The following SPHKAP variants were observed in gnomAD, a reference collection of about 807,000 sequenced individuals.
The protein encoded by SPHKAP is A-kinase anchor protein SPHKAP.
SPHKAP carries 67 observed loss-of-function variants against 137.5 expected under a neutral mutation model. The ratio of observed to expected loss-of-function variants is 0.49; its 90% CI spans 0.40 to 0.60. The LOEUF is 0.60. Ranked by LOEUF, SPHKAP falls within the 20% of genes least tolerant of loss-of-function variation. SPHKAP has a pLI of 0.00. For missense variants in SPHKAP, 2,097 were observed against 2,069.3 expected, an observed-to-expected ratio of 1.01 and a Z score of -0.26; for synonymous variants, 813 against 785.3, an observed-to-expected ratio of 1.04 and a Z score of -0.59.
chr2:228,057,042 G>A (rs1305103453), intron 3 of SPHKAP, among the ~76,000 whole-genome samples: 1 of 152,174 alleles, frequency 6.6e-6, no homozygotes, highest in Non-Finnish European at 1.5e-5. Context: ...GCACAACAAG[G>A]AAGCGAGGCA....
At chr2:228,131,518 T>C (rs562373623) in intron 2 of SPHKAP, among the ~76,000 whole-genome samples, 1 of 151,914 alleles carries the variant, frequency 6.6e-6, no homozygotes, top group Admixed American at 6.6e-5. Context: ...CTTAAGTCTA[T>C]GTTCTAGAAA....
chr2:227,994,634 A>T (rs191753995), intron 8 of SPHKAP, among the ~76,000 whole-genome samples: 44 of 152,346 alleles, frequency 2.9e-4, no homozygotes, highest in Non-Finnish European at 6.2e-4. Flanking sequence ...AGGCATATTC[A>T]TGTATTGAAA....
At chr2:228,037,036 T>C (rs1695644766) in intron 3 of SPHKAP, among the ~76,000 whole-genome samples, 1 of 149,442 alleles carries the variant, frequency 6.7e-6, no homozygotes, top group African/African-American at 2.5e-5. Context: ...AGTATAATAA[T>C]AAATAAATAA....
rs1295469751 is a variant in SPHKAP at position 227,991,044 on chromosome 2, G to T, written c.4915C>A (p.Pro1639Thr). Reference sequence around the variant, plus strand: ...TGAGATTTCTTAAAGTAGATGGTGGGAATCCCCAGTTCAGAGGCAGCTATC... The same window carrying T: ...TGAGATTTCTTAAAGTAGATGGTGGTAATCCCCAGTTCAGAGGCAGCTATC... ...QWIAASELGI[P>T]TIYFKKSQEN... Residue 1639 changes from proline to threonine, a missense_variant, in exon 11 of 12, where the codon CCC (proline) becomes ACC (threonine). By Grantham distance (38) the Pro-to-Thr change is conservative. Transcript: ENST00000392056. The T allele has an allele frequency of 4.3e-6, 7 of 1,614,124 alleles. No individual in the cohort carries two copies. In the South Asian group the frequency reaches 7.7e-5, roughly 18 times the overall value.
chr2:228,146,487 C>T (rs142838543), intron 1 of SPHKAP, among the ~76,000 whole-genome samples: 92 of 152,160 alleles, frequency 6.0e-4, no homozygotes, highest in African/African-American at 1.6e-3. Context: ...ACTCGTGTCA[C>T]GGTAGTTTGT....
intron 7 of SPHKAP, among the ~76,000 whole-genome samples, chr2:228,002,649 A>G (rs962474906): frequency 3.3e-5 from 5 of 152,212 alleles, no homozygotes; most frequent in African/African-American, 7.2e-5. Flanking sequence ...GCCCATGCCT[A>G]TGTCCTGAAT....
At chr2:228,100,097 G>A (rs957049825) in intron 3 of SPHKAP, among the ~76,000 whole-genome samples, 13 of 151,992 alleles carry the variant, frequency 8.6e-5, no homozygotes, top group African/African-American at 1.9e-4. Flanking sequence ...TGATCCACCC[G>A]CCTCGGCCTC....
In SPHKAP at chr2:228,002,341, C is replaced by T. The variant is rs1363521231; in HGVS notation, c.4449-6647G>A. Among the ~76,000 whole-genome samples the T allele has an allele frequency of 4.6e-5, 7 of 152,084 alleles. No homozygotes were observed. The East Asian group carries it at 7.7e-4, about 17-fold the overall frequency. ...GCCAGTGATGATAAGCATTTTTTCACGTGTCTGTTGGCTGCATAAATGTCT... is the reference window on the plus strand; with the variant it reads ...GCCAGTGATGATAAGCATTTTTTCATGTGTCTGTTGGCTGCATAAATGTCT... On this transcript the variant is annotated intron_variant, in intron 7 of 11. Transcript: ENST00000392056.
chr2:228,159,193 G>A (rs953309461), intron 1 of SPHKAP, among the ~76,000 whole-genome samples: 1 of 152,094 alleles, frequency 6.6e-6, no homozygotes, highest in African/African-American at 2.4e-5. Flanking sequence ...GGCAAAAATT[G>A]TACCAAAGTT....
At chr2:228,062,165 T>TA (rs1248457515) in intron 3 of SPHKAP, among the ~76,000 whole-genome samples, 1 of 151,556 alleles carries the variant, frequency 6.6e-6, no homozygotes, top group African/African-American at 2.4e-5. Flanking sequence ...CCTTTTTTTT[T>TA]AATTTTTCTT....
At chr2:228,102,536 A>T (rs1489448512) in intron 3 of SPHKAP, among the ~76,000 whole-genome samples, 1 of 152,168 alleles carries the variant, frequency 6.6e-6, no homozygotes, top group African/African-American at 2.4e-5. Flanking sequence ...TCTAATTCGG[A>T]GTCCATTTTA....
chr2:228,013,529 G>A (rs997438531), intron 7 of SPHKAP, among the ~76,000 whole-genome samples: 2 of 152,208 alleles, frequency 1.3e-5, no homozygotes, highest in Non-Finnish European at 2.9e-5. Context: ...ATAGGCGTGA[G>A]CCACCATGCC....
chr2:228,009,405 C>T (rs186596336), intron 7 of SPHKAP, among the ~76,000 whole-genome samples: 2 of 152,128 alleles, frequency 1.3e-5, no homozygotes, highest in African/African-American at 4.8e-5. Context: ...TTATAACTTT[C>T]ATCAAGTCTT....
At chr2:228,173,383 A>T (rs1224965825) in intron 1 of SPHKAP, among the ~76,000 whole-genome samples, 1 of 152,190 alleles carries the variant, frequency 6.6e-6, no homozygotes, top group Non-Finnish European at 1.5e-5. Context: ...GACAAAGCAA[A>T]ATCAAGGTTC....
intron 2 of SPHKAP, among the ~76,000 whole-genome samples, chr2:228,110,698 A>G (rs895156752): frequency 1.3e-5 from 2 of 152,218 alleles, no homozygotes; most frequent in African/African-American, 4.8e-5. Context: ...ATGATGTGTG[A>G]CAGCACAACA....
intron 7 of SPHKAP, 84 bp downstream of exon 7, chr2:228,016,322 T>TAA: frequency 6.7e-7 from 1 of 1,486,424 alleles, no homozygotes; most frequent in Non-Finnish European, 8.9e-7. Flanking sequence ...TCAAATCCTT[T>TAA]ATGTCTAAAA....
chr2:228,061,813 A>G (rs1460396050), intron 3 of SPHKAP, among the ~76,000 whole-genome samples: 1 of 152,030 alleles, frequency 6.6e-6, no homozygotes, highest in Non-Finnish European at 1.5e-5. Flanking sequence ...TGGCCACTAA[A>G]AAAAACAAAA....
chr2:228,088,988 G>A (rs760868889), intron 3 of SPHKAP, among the ~76,000 whole-genome samples: 1 of 152,176 alleles, frequency 6.6e-6, no homozygotes, highest in South Asian at 2.1e-4. Flanking sequence ...GTGGGGCATT[G>A]CTATAAAGAT....
In SPHKAP at chr2:228,080,771, A is replaced by G. The variant is rs1186782590; in HGVS notation, c.246+28061T>C. 1.3e-3 allele frequency among the ~76,000 whole-genome samples: 90 copies of G among 71,704 alleles called. 1 individual carries two copies. The highest frequency in any genetic ancestry group is 4.8e-3 in the African/African-American group (85 of 17,678). The allele number at this position is 71,704 out of a possible 152,430, so 47.0% of individuals were successfully genotyped here. A position where few individuals can be genotyped will look rare whatever the true frequency, so the allele number is the denominator to read the frequency against. On this transcript the variant is annotated intron_variant, in intron 3 of 11. Coordinates refer to ENST00000392056, the MANE Select transcript of SPHKAP (RefSeq NM_001142644.2). ...ATAAAATAAAATAAAATAAAATAAA[A>G]TAAAATAAAATAAAACCAAACCACA...
Sources: gnomAD v4.1 joint callset for allele counts (sites outside exome capture counted in the v4.1 genomes callset) on GRCh38, gnomAD v4.1.1 for gene constraint, MANE v1.5 for transcripts, NCBI Gene and HGNC (gene_info 2026-07-23, HGNC 2026-07-21) for gene names.